Variants in NBEA observed in about 807,000 individuals in gnomAD.
NBEA encodes the protein lysosomal-trafficking regulator 2.
In NBEA, 44 loss-of-function variants were observed where a neutral mutation model predicts 343.4. The ratio of observed to expected loss-of-function variants is 0.13; its 90% CI spans 0.10 to 0.16. NBEA has a LOEUF of 0.16. Ranked by LOEUF, NBEA falls within the 10% of genes least tolerant of loss-of-function variation. The pLI is 1.00. For synonymous variants in NBEA, 1,175 were observed against 1,238.7 expected, an observed-to-expected ratio of 0.95 and a Z score of 1.08; for missense variants, 2,555 against 3,631.3, an observed-to-expected ratio of 0.70 and a Z score of 7.62.
chr13:35,655,270 T>G (rs2084763386), intron 54 of NBEA, among the ~76,000 whole-genome samples: 1 of 152,162 alleles, frequency 6.6e-6, no homozygotes, highest in Non-Finnish European at 1.5e-5. Flanking sequence ...TAAAAGATCC[T>G]AAAACTCCCC....
At chr13:35,435,392 A>G (rs906735949) in intron 39 of NBEA, among the ~76,000 whole-genome samples, 9 of 152,108 alleles carry the variant, frequency 5.9e-5, no homozygotes, top group African/African-American at 1.9e-4. Flanking sequence ...ATTGTTATCA[A>G]TGCTAACTTC....
intron 38 of NBEA, among the ~76,000 whole-genome samples, chr13:35,377,006 C>T (rs1850535547): frequency 6.6e-6 from 1 of 152,114 alleles, no homozygotes; most frequent in African/African-American, 2.4e-5. Context: ...ATTATAGTTA[C>T]ATACCCTTTG....
At chr13:35,299,412 G>A (rs141538014) in intron 35 of NBEA, among the ~76,000 whole-genome samples, 2 of 152,092 alleles carry the variant, frequency 1.3e-5, no homozygotes, top group Non-Finnish European at 2.9e-5. Flanking sequence ...AGATTTCTTC[G>A]ACTAGTCCAT....
At chr13:35,628,284 TG>T in intron 49 of NBEA, 36 bp downstream of exon 49, 1 of 1,450,098 alleles carries the variant, frequency 6.9e-7, no homozygotes, top group Non-Finnish European at 9.2e-7. Flanking sequence ...CAAAAATTTC[TG>T]TCATCTCTCA....
At chr13:35,493,020 A>G (rs2076552970) in intron 41 of NBEA, among the ~76,000 whole-genome samples, 1 of 152,004 alleles carries the variant, frequency 6.6e-6, no homozygotes, top group Non-Finnish European at 1.5e-5. Flanking sequence ...AGACTGCTGA[A>G]ATACAAAGAA....
At chr13:35,426,746 A>G (rs1258319000) in intron 38 of NBEA, among the ~76,000 whole-genome samples, 1 of 152,138 alleles carries the variant, frequency 6.6e-6, no homozygotes, top group Non-Finnish European at 1.5e-5. Context: ...AGTGTTTTCC[A>G]ACTTGGTTCC....
At chr13:35,095,214 T>C (rs1287039660) in intron 10 of NBEA, among the ~76,000 whole-genome samples, 1 of 151,598 alleles carries the variant, frequency 6.6e-6, no homozygotes, top group Non-Finnish European at 1.5e-5. Context: ...TTACATGAGT[T>C]ATCTACATTA....
chr13:35,666,337 A>C (rs2085351815), intron 56 of NBEA, among the ~76,000 whole-genome samples: 1 of 151,880 alleles, frequency 6.6e-6, no homozygotes, highest in South Asian at 2.1e-4. Flanking sequence ...CCAGAAATGG[A>C]CACATAGGAT....
At chr13:35,281,347 A>G (rs1436669640) in intron 34 of NBEA, among the ~76,000 whole-genome samples, 1 of 152,132 alleles carries the variant, frequency 6.6e-6, no homozygotes, top group East Asian at 1.9e-4. Flanking sequence ...AGAAAATTCG[A>G]CTTGGATTAC....
At chr13:35,282,840 A>C (rs953268686) in intron 34 of NBEA, among the ~76,000 whole-genome samples, 2 of 152,200 alleles carry the variant, frequency 1.3e-5, no homozygotes, top group Non-Finnish European at 1.5e-5. Flanking sequence ...TATCTCTGTA[A>C]CTGGTCTGTT....
chr13:35,665,073 G>C lies in NBEA; in HGVS notation c.8363-12G>C. ...TGGTCTGTAGTGCCTCACTGCTGCT[G>C]TTTTCTTGCAGGTGACTATCCGGCA... is the stretch of plus-strand genomic sequence containing the variant. On this transcript the variant is annotated splice_polypyrimidine_tract_variant and intron_variant, in intron 55 of 58. Coordinates refer to ENST00000379939, the MANE Select transcript of NBEA (RefSeq NM_001385012.1). 6.4e-7 allele frequency: 1 copy of C among 1,558,886 alleles called. No homozygotes were observed. Among genetic ancestry groups the C allele is most frequent in the East Asian group, 2.4e-5 (1 of 42,274 alleles).
chr13:35,405,180 A>C (rs1422511870), intron 38 of NBEA, among the ~76,000 whole-genome samples: 1 of 152,182 alleles, frequency 6.6e-6, no homozygotes, highest in Non-Finnish European at 1.5e-5. Flanking sequence ...AAATACATGC[A>C]CTTTAGTCTG....
Position 35,504,809 on chromosome 13 carries a change from A to G in NBEA, c.6585+32273A>G, listed in dbSNP as rs546016203. 6.6e-5 allele frequency among the ~76,000 whole-genome samples: 10 copies of G among 152,030 alleles called. No individual in the cohort carries two copies. The South Asian group carries it at 1.9e-3, about 28-fold the overall frequency. ...TTTTTGTAGAGACAGAGGTCTTACT[A>G]TGTTGTCCAGGCTAGTCTCGAACTC... On this transcript the variant is annotated intron_variant, in intron 41 of 58. Transcript: ENST00000379939.
chr13:35,086,066 A>C (rs953776616), intron 10 of NBEA, among the ~76,000 whole-genome samples: 13 of 152,154 alleles, frequency 8.5e-5, no homozygotes, highest in Non-Finnish European at 1.9e-4. Context: ...ACCACTGCTC[A>C]ATGAAATAAA....
intron 38 of NBEA, among the ~76,000 whole-genome samples, chr13:35,360,399 C>T (rs2040742002): frequency 1.3e-5 from 2 of 151,892 alleles, no homozygotes; most frequent in South Asian, 4.1e-4. Context: ...AATAAACAAA[C>T]ATCCTAAAGA....
intron 30 of NBEA, among the ~76,000 whole-genome samples, chr13:35,195,528 A>G (rs984358906): frequency 6.6e-6 from 1 of 151,938 alleles, no homozygotes; most frequent in Non-Finnish European, 1.5e-5. Flanking sequence ...CCTCCCGAGT[A>G]GCTGGGATTA....
At chr13:35,657,938 A>G (rs1003448746) in intron 55 of NBEA, among the ~76,000 whole-genome samples, 4 of 152,138 alleles carry the variant, frequency 2.6e-5, no homozygotes, top group African/African-American at 9.7e-5. Flanking sequence ...AATATTAAAG[A>G]AAAATATTAA....
At chr13:35,580,124 T>C (rs1459444374) in intron 45 of NBEA, among the ~76,000 whole-genome samples, 2 of 152,126 alleles carry the variant, frequency 1.3e-5, no homozygotes, top group African/African-American at 4.8e-5. Flanking sequence ...GATAGAAATT[T>C]TATTTTTCAT....
rs1302200575 is a variant in NBEA, at chr13:35,160,018, A to G, written c.3847A>G (p.Thr1283Ala). 8 of 1,578,088 alleles carry G rather than the reference A, an allele frequency of 5.1e-6. No individual in the cohort carries two copies. The highest frequency in any genetic ancestry group is 6.0e-6 in the Non-Finnish European group (7 of 1,164,706). ...AAAAGAAATCCGAAAAATCCAAACA[A>G]CTACTACGACACAAGTAAGCTACCT... ...SGKEIRKIQTTTTTQAVQGRS... is the reference protein window; with the variant it reads ...SGKEIRKIQTATTTQAVQGRS... The change falls in exon 22 of 59, where the codon ACT (threonine) becomes GCT (alanine). Residue 1283 changes from threonine (T) to alanine (A), a missense_variant. Transcript: ENST00000379939.
Sources: gnomAD v4.1 joint callset for allele counts (sites outside exome capture counted in the v4.1 genomes callset) on GRCh38, gnomAD v4.1.1 for gene constraint, MANE v1.5 for transcripts, NCBI Gene and HGNC (gene_info 2026-07-23, HGNC 2026-07-21) for gene names.